Variants in GRM4 observed in about 807,000 individuals in gnomAD.
GRM4 encodes glutamate metabotropic receptor 4.
A neutral mutation model predicts 81.7 loss-of-function variants in GRM4; 28 were observed. That is an observed-to-expected ratio of 0.34 (90% CI 0.25 to 0.47). GRM4 has a LOEUF of 0.47. Among genes scored for constraint, GRM4 ranks in the 20% least tolerant of loss-of-function variants. The pLI is 1.00. For missense variants in GRM4, 948 were observed against 1,290.0 expected, an observed-to-expected ratio of 0.73 and a Z score of 4.06; for synonymous variants, 488 against 528.8, an observed-to-expected ratio of 0.92 and a Z score of 1.06.
At chr6:34,081,277 C>G (rs1374250390) in intron 3 of GRM4, among the ~76,000 whole-genome samples, 1 of 152,234 alleles carries the variant, frequency 6.6e-6, no homozygotes, top group South Asian at 2.1e-4. Context: ...ATGCTCAGGA[C>G]TTCTGTGCAG....
intron 6 of GRM4, chr6:34,055,020 T>G (rs762045044): frequency 6.6e-6 from 1 of 152,218 alleles, no homozygotes; most frequent in Non-Finnish European, 1.5e-5. Flanking sequence ...CTGAGCAGCC[T>G]CGGGCAAGTC....
At chr6:34,142,091 T>G (rs1475998927) in intron 1 of GRM4, among the ~76,000 whole-genome samples, 8 of 152,194 alleles carry the variant, frequency 5.3e-5, no homozygotes, top group Non-Finnish European at 1.0e-4. Flanking sequence ...CCCTCTCCGT[T>G]CTTTCCAGGA....
At chr6:34,134,649 A>G (rs1770378912) in intron 1 of GRM4, among the ~76,000 whole-genome samples, 1 of 151,690 alleles carries the variant, frequency 6.6e-6, no homozygotes, top group South Asian at 2.1e-4. Flanking sequence ...GCAGGCCTCC[A>G]TTCAGCTTGC....
chr6:34,120,739 C>T (rs138285195), intron 2 of GRM4, among the ~76,000 whole-genome samples: 61 of 152,184 alleles, frequency 4.0e-4, no homozygotes, highest in African/African-American at 1.3e-3. Context: ...TCTCTCAGGG[C>T]GCGCCACAAC....
At chr6:34,046,980 G>A (rs1765391830) in intron 6 of GRM4, among the ~76,000 whole-genome samples, 1 of 152,080 alleles carries the variant, frequency 6.6e-6, no homozygotes, top group African/African-American at 2.4e-5. Context: ...TGGTGTCATG[G>A]ACCAAACAAA....
At chr6:34,141,879 C>A (rs1190211606) in intron 1 of GRM4, among the ~76,000 whole-genome samples, 1 of 152,156 alleles carries the variant, frequency 6.6e-6, no homozygotes, top group Non-Finnish European at 1.5e-5. Context: ...GAAGGAGGAA[C>A]TACCAGCCTC....
rs543733498 is a variant in GRM4, at chr6:34,091,117, C to A, written c.736+766G>T. Among the ~76,000 whole-genome samples the A allele has an allele frequency of 3.3e-5, 5 of 152,328 alleles. No individual in the cohort carries two copies. In the East Asian group the frequency reaches 9.6e-4, roughly 29 times the overall value. ...AAGATGCCCACAGCTGCAGCCCATG[C>A]AGCCAGCCCTCTCAGGGCACCAGCA... On this transcript the variant is annotated intron_variant, in intron 3 of 10. Coordinates refer to ENST00000538487, the MANE Select transcript of GRM4 (RefSeq NM_000841.4).
intron 10 of GRM4, among the ~76,000 whole-genome samples, chr6:34,023,603 G>GC (rs769296705): frequency 6.6e-6 from 1 of 152,052 alleles, no homozygotes. Flanking sequence ...TCAGTCTTGA[G>GC]CCCCCCTTTT....
chr6:34,026,222 C>T (rs1277123243), intron 10 of GRM4, among the ~76,000 whole-genome samples: 7 of 152,210 alleles, frequency 4.6e-5, no homozygotes, highest in South Asian at 2.1e-4. Flanking sequence ...CCCTGTTCCA[C>T]AGGAGTGACA....
In GRM4 at chr6:34,074,236, C is replaced by T. The variant is rs1767187781; in HGVS notation, c.737-12208G>A. Among the ~76,000 whole-genome samples the T allele has an allele frequency of 1.3e-5, 2 of 152,190 alleles. No individual in the cohort carries two copies. The highest frequency in any genetic ancestry group is 2.1e-4 in the South Asian group (1 of 4,834). On this transcript the variant is annotated intron_variant, in intron 3 of 10. Coordinates refer to ENST00000538487, the MANE Select transcript of GRM4 (RefSeq NM_000841.4). The surrounding 1 kb of genome is among the most constrained non-coding windows in gnomAD (Gnocchi z 4.9). ...GTCCCATCTCAACCACCTACTGCTT[C>T]GTGATGAAAGCCACGTTGCCCACTC...
chr6:34,052,417 T>C (rs1765660333), intron 6 of GRM4, among the ~76,000 whole-genome samples: 1 of 152,236 alleles, frequency 6.6e-6, no homozygotes, highest in African/African-American at 2.4e-5. Flanking sequence ...ATGAATGAAA[T>C]CTTCCCAAGT....
rs933046982 is a variant in GRM4 at position 34,021,253 on chromosome 6, GAC to G, written c.*1566_*1567del. ...CATGGAGGCGCTGGACGTGCACACA[GAC>G]ACACAGCCAACACAGCCAACACAGC... On this transcript the variant is annotated 3_prime_UTR_variant, in exon 11 of 11. Coordinates refer to ENST00000538487, the MANE Select transcript of GRM4 (RefSeq NM_000841.4). This position sits in a 1 kb window ranked among gnomAD's most constrained non-coding sequence, Gnocchi z 5.3. 4.6e-5 allele frequency: 7 copies of G among 152,508 alleles called. No homozygotes were observed. Among genetic ancestry groups the G allele is most frequent in the South Asian group, 2.1e-4 (1 of 4,832 alleles). 9.4% of individuals were successfully genotyped at this position (152,508 alleles called of 1,614,324 possible).
chr6:34,142,253 A>G (rs1299081484), intron 1 of GRM4, among the ~76,000 whole-genome samples: 1 of 152,146 alleles, frequency 6.6e-6, no homozygotes, highest in African/African-American at 2.4e-5. Flanking sequence ...AGCTCCCCAC[A>G]TGCCTTCTTC....
intron 2 of GRM4, among the ~76,000 whole-genome samples, chr6:34,113,109 C>CCCTT (rs1401344827): frequency 8.0e-4 from 121 of 151,834 alleles, no homozygotes; most frequent in African/African-American, 2.6e-3. Context: ...TTTCTTCTTT[C>CCCTT]CCTTCCTTCC....
chr6:34,096,893 A>C (rs1190610125), intron 2 of GRM4, among the ~76,000 whole-genome samples: 1 of 151,978 alleles, frequency 6.6e-6, no homozygotes, highest in African/African-American at 2.4e-5. Flanking sequence ...GCAACAATGA[A>C]GATGGATTCC....
chr6:34,143,017 T>A (rs562180588), intron 1 of GRM4, among the ~76,000 whole-genome samples: 1 of 152,178 alleles, frequency 6.6e-6, no homozygotes, highest in African/African-American at 2.4e-5. Flanking sequence ...AGCACTCCTT[T>A]GGGTTAAGCC....
intron 3 of GRM4, among the ~76,000 whole-genome samples, chr6:34,075,693 A>C (rs1490777119): frequency 1.3e-5 from 2 of 152,224 alleles, no homozygotes; most frequent in Non-Finnish European, 2.9e-5. Context: ...TCCACATAAC[A>C]AAGTGTGAAG....
At chr6:34,100,532 C>G (rs1768778873) in intron 2 of GRM4, among the ~76,000 whole-genome samples, 1 of 152,228 alleles carries the variant, frequency 6.6e-6, no homozygotes, top group South Asian at 2.1e-4. Context: ...CACTCATGCT[C>G]CTCCAAAGCT....
intron 6 of GRM4, among the ~76,000 whole-genome samples, chr6:34,046,561 C>T (rs1260972263): frequency 6.6e-6 from 1 of 152,120 alleles, no homozygotes; most frequent in Non-Finnish European, 1.5e-5. Context: ...TCCAGGAGAC[C>T]CTGCAAACTA....
Sources: allele counts gnomAD v4.1 joint callset (sites outside exome capture counted in the v4.1 genomes callset), GRCh38; gene constraint gnomAD v4.1.1; non-coding constraint Gnocchi (gnomAD v3.1); transcripts MANE v1.5; gene names NCBI Gene and HGNC (gene_info 2026-07-23, HGNC 2026-07-21).